The following ATF7IP variants were observed in gnomAD, a reference collection of about 807,000 sequenced individuals.
The protein encoded by ATF7IP is activating transcription factor 7 interacting protein.
ATF7IP carries 23 observed loss-of-function variants against 106.4 expected under a neutral mutation model. The ratio of observed to expected loss-of-function variants is 0.22; its 90% CI spans 0.16 to 0.31. The LOEUF (loss-of-function observed/expected upper bound fraction) is 0.31, where lower values mean the gene tolerates loss of function less well. Among genes scored for constraint, ATF7IP ranks in the 10% least tolerant of loss-of-function variants. The pLI is 1.00. For synonymous variants in ATF7IP, 542 were observed against 539.0 expected, an observed-to-expected ratio of 1.01 and a Z score of -0.08; for missense variants, 1,334 against 1,524.3, an observed-to-expected ratio of 0.88 and a Z score of 2.08.
intron 1 of ATF7IP, among the ~76,000 whole-genome samples, chr12:14,408,215 G>A (rs1940713513): frequency 6.6e-6 from 1 of 151,746 alleles, no homozygotes; most frequent in African/African-American, 2.4e-5. Context: ...TCTTTAATTG[G>A]CACCTAATAA....
chr12:14,440,511 A>G (rs1362337894), intron 5 of ATF7IP, among the ~76,000 whole-genome samples: 1 of 152,188 alleles, frequency 6.6e-6, no homozygotes, highest in Non-Finnish European at 1.5e-5. Flanking sequence ...TTGTATTTTG[A>G]TACCAGGCTT....
intron 8 of ATF7IP, among the ~76,000 whole-genome samples, chr12:14,459,887 C>A (rs938793712): frequency 6.6e-6 from 1 of 152,200 alleles, no homozygotes; most frequent in African/African-American, 2.4e-5. Flanking sequence ...ATTCATCTGT[C>A]ATCTTCGCTC....
intron 6 of ATF7IP, 113 bp downstream of exon 6, chr12:14,447,166 G>T: frequency 3.0e-6 from 2 of 658,918 alleles, no homozygotes; most frequent in Non-Finnish European, 4.9e-6. Flanking sequence ...TTCATACTGT[G>T]TACTCCTCTA....
chr12:14,481,494 T>A (rs1944427113), intron 13 of ATF7IP: 1 of 432,448 alleles, frequency 2.3e-6, no homozygotes, highest in African/African-American at 2.0e-5. Context: ...TATGCATATT[T>A]CAAACATGTT....
intron 9 of ATF7IP, among the ~76,000 whole-genome samples, chr12:14,464,204 C>T (rs1943743070): frequency 6.6e-6 from 1 of 151,692 alleles, no homozygotes. Context: ...CCCAGCTACC[C>T]AGGAGGCCGA....
At chr12:14,385,686 T>G (rs1182042535) in intron 1 of ATF7IP, among the ~76,000 whole-genome samples, 1 of 152,140 alleles carries the variant, frequency 6.6e-6, no homozygotes, top group Admixed American at 6.5e-5. Context: ...TCCTTTTGTG[T>G]AGGCTATTTT....
chr12:14,385,437 A>AT (rs1939180623), intron 1 of ATF7IP: 3 of 1,514,870 alleles, frequency 2.0e-6, no homozygotes, highest in Middle Eastern at 1.7e-4. Context: ...AAACATTCTC[A>AT]TTTTTTTCTT....
At chr12:14,390,401 G>T (rs1431485226) in intron 1 of ATF7IP, among the ~76,000 whole-genome samples, 1 of 152,176 alleles carries the variant, frequency 6.6e-6, no homozygotes, top group African/African-American at 2.4e-5. Flanking sequence ...GATTGAAAGT[G>T]AAGAGATTAA....
chr12:14,382,376 G>T (rs763912879), intron 1 of ATF7IP, among the ~76,000 whole-genome samples: 8 of 152,160 alleles, frequency 5.3e-5, no homozygotes, highest in Non-Finnish European at 8.8e-5. Context: ...CTTAAAACCT[G>T]TGACATTATA....
Position 14,425,468 on chromosome 12 carries a change from C to A in ATF7IP, c.1553C>A (p.Ser518Tyr). 1 of 1,540,318 alleles carries A rather than the reference C, an allele frequency of 6.5e-7. No homozygotes were observed. Among genetic ancestry groups the A allele is most frequent in the South Asian group, 1.3e-5 (1 of 79,506 alleles). The stretch of plus-strand genomic sequence containing the variant: ...GTTATATCGCAAAATGAAACGTGCT[C>A]TCCAGGTTAGCATATAACTTAAATG... ...SEVISQNETC[S>Y]PAEVESNEKD... The change falls in exon 2 of 15, where the codon TCT becomes TAT. Residue 518 changes from serine (S) to tyrosine (Y), a missense_variant. This residue lies in a region of ATF7IP where 119 missense variants were observed against 117.8 expected (regional missense o/e 1.01). Transcript: ENST00000261168.
intron 1 of ATF7IP, 49 bp from the exon 2 acceptor site, chr12:14,423,860 G>A (rs780299406): frequency 2.6e-6 from 4 of 1,520,226 alleles, no homozygotes; most frequent in Admixed American, 2.2e-5. Context: ...TCTACAATTA[G>A]GTGGCTTCTG....
chr12:14,494,236 T>A (rs191876951), intron 13 of ATF7IP, among the ~76,000 whole-genome samples: 88 of 139,708 alleles, frequency 6.3e-4, no homozygotes, highest in African/African-American at 2.2e-3. Context: ...ACCCCATTCC[T>A]GGTACCAAAA....
intron 2 of ATF7IP, among the ~76,000 whole-genome samples, chr12:14,425,981 C>G (rs769089182): frequency 1.3e-5 from 2 of 152,190 alleles, no homozygotes; most frequent in Non-Finnish European, 2.9e-5. Context: ...GCTTGATTAT[C>G]CATTTGATAA....
At chr12:14,491,586 A>G (rs1944827601) in intron 13 of ATF7IP, among the ~76,000 whole-genome samples, 1 of 152,244 alleles carries the variant, frequency 6.6e-6, no homozygotes, top group Admixed American at 6.5e-5. Context: ...AAAGTGATCA[A>G]GGTCTCTCTG....
chr12:14,395,415 T>C (rs1384314039), intron 1 of ATF7IP, among the ~76,000 whole-genome samples: 1 of 152,212 alleles, frequency 6.6e-6, no homozygotes, highest in Non-Finnish European at 1.5e-5. Context: ...ATGCCACATT[T>C]GGATTTGGTA....
intron 6 of ATF7IP, among the ~76,000 whole-genome samples, chr12:14,453,272 A>G (rs1298696360): frequency 1.3e-5 from 2 of 152,086 alleles, no homozygotes; most frequent in African/African-American, 4.8e-5. Flanking sequence ...ATTTTCAGCA[A>G]TTATTTATCT....
chr12:14,495,508 A>G lies in ATF7IP; in HGVS notation c.3281-723A>G, dbSNP rs186857879. ...TGAGTTCTGGGAAACTTGGCTCACT[A>G]TAGTCCAGGAACCAGGCCGAACTAC... On this transcript the variant is annotated intron_variant, in intron 13 of 14. Coordinates refer to ENST00000261168, the MANE Select transcript of ATF7IP (RefSeq NM_018179.5). Among the ~76,000 whole-genome samples, 24 of 152,320 alleles carry G rather than the reference A, an allele frequency of 1.6e-4. No individual in the cohort carries two copies. The East Asian group carries it at 3.7e-3, about 23-fold the overall frequency.
intron 1 of ATF7IP, among the ~76,000 whole-genome samples, chr12:14,404,349 T>C (rs972943137): frequency 6.6e-6 from 1 of 152,218 alleles, no homozygotes; most frequent in African/African-American, 2.4e-5. Flanking sequence ...ATCATTTCTT[T>C]AGAGTGGCTT....
At chr12:14,494,988 G>C (rs953365100) in intron 13 of ATF7IP, among the ~76,000 whole-genome samples, 3 of 149,292 alleles carry the variant, frequency 2.0e-5, no homozygotes, top group Admixed American at 2.0e-4. Flanking sequence ...AAGCTGAGGA[G>C]CAAGGAAGCC....
Sources: gnomAD v4.1 joint callset for allele counts (sites outside exome capture counted in the v4.1 genomes callset) on GRCh38, gnomAD v4.1.1 for gene constraint, gnomAD v4.1.1 regional missense constraint, MANE v1.5 for transcripts, NCBI Gene and HGNC (gene_info 2026-07-23, HGNC 2026-07-21) for gene names.